KANK1: variants seen among roughly 807,000 people sequenced by gnomAD.
KANK1 encodes KN motif and ankyrin repeat domain-containing protein 1.
In KANK1, 109 loss-of-function variants were observed where a neutral mutation model predicts 106.2. That is an observed-to-expected ratio of 1.03 (90% CI 0.88 to 1.20). KANK1 has a LOEUF of 1.20. KANK1 is among the 50% of genes most tolerant of loss of function. KANK1 has a pLI of 0.00. For missense variants in KANK1, 2,399 were observed against 1,710.7 expected, an observed-to-expected ratio of 1.40 and a Z score of -7.10; for synonymous variants, 873 against 652.2, an observed-to-expected ratio of 1.34 and a Z score of -5.16.
Position 508,082 on chromosome 9 carries a change from A to C in KANK1, c.-84+3328A>C, listed in dbSNP as rs992912461. On this transcript the variant is annotated intron_variant, in intron 1 of 11. Coordinates refer to ENST00000382297, the MANE Select transcript of KANK1 (RefSeq NM_015158.5). ...GGTTATCCATCCGCCTCTGCCTCCC[A>C]AAGTGTTGGGATTACAGGTGTGAGA... Among the ~76,000 whole-genome samples the C allele has an allele frequency of 2.1e-5, 3 of 141,234 alleles. No individual in the cohort carries two copies. The Admixed American group carries it at 2.2e-4, about 10-fold the overall frequency. 92.7% of individuals were successfully genotyped at this position (141,234 alleles called of 152,430 possible).
At chr9:605,036 G>A (rs1183736579) in intron 1 of KANK1, among the ~76,000 whole-genome samples, 1 of 151,730 alleles carries the variant, frequency 6.6e-6, no homozygotes, top group African/African-American at 2.4e-5. Flanking sequence ...GAGAGTGGTG[G>A]CTCACGCCTG....
intron 1 of KANK1, among the ~76,000 whole-genome samples, chr9:634,822 T>G (rs537254168): frequency 1.6e-4 from 25 of 152,284 alleles, no homozygotes; most frequent in Non-Finnish European, 3.2e-4. Context: ...ACTTTCAGAT[T>G]TAGTGGCCCA....
At chr9:508,798 G>A (rs547774075) in intron 1 of KANK1, among the ~76,000 whole-genome samples, 16 of 146,346 alleles carry the variant, frequency 1.1e-4, no homozygotes, top group African/African-American at 3.3e-4. Flanking sequence ...GGTTTGAGGG[G>A]CATTTACATA....
chr9:581,549 G>A (rs1822164763), intron 1 of KANK1, among the ~76,000 whole-genome samples: 1 of 152,186 alleles, frequency 6.6e-6, no homozygotes, highest in African/African-American at 2.4e-5. Flanking sequence ...CTTGGTAATG[G>A]GTTAATTTGA....
At chr9:577,156 C>T (rs1820781759) in intron 1 of KANK1, among the ~76,000 whole-genome samples, 1 of 152,210 alleles carries the variant, frequency 6.6e-6, no homozygotes, top group Non-Finnish European at 1.5e-5. Flanking sequence ...AAAGCTTCCA[C>T]AGCATGGAAG....
At chr9:491,348 A>C (rs1186352687) in intron 3 of KANK1, among the ~76,000 whole-genome samples, 3 of 148,770 alleles carry the variant, frequency 2.0e-5, no homozygotes, top group African/African-American at 7.5e-5. Context: ...GCTCACTGCA[A>C]CCTCCGCCTC....
At chr9:585,661 G>C (rs1823274881) in intron 1 of KANK1, among the ~76,000 whole-genome samples, 2 of 152,050 alleles carry the variant, frequency 1.3e-5, no homozygotes, top group Non-Finnish European at 2.9e-5. Context: ...TGGAAGAGTA[G>C]ACAATAATGT....
At chr9:709,101 A>C (rs1251713694) in intron 2 of KANK1, among the ~76,000 whole-genome samples, 6 of 152,202 alleles carry the variant, frequency 3.9e-5, no homozygotes, top group Non-Finnish European at 8.8e-5. Flanking sequence ...AACTCATGAC[A>C]ATACAAAACA....
At chr9:739,975 G>C (rs1036858588) in intron 8 of KANK1, among the ~76,000 whole-genome samples, 8 of 152,076 alleles carry the variant, frequency 5.3e-5, no homozygotes, top group African/African-American at 1.9e-4. Flanking sequence ...TCCTTAGTAT[G>C]GAGTTGTTTG....
chr9:732,166 A>G (rs973970654), intron 5 of KANK1: 44 of 488,798 alleles, frequency 9.0e-5, no homozygotes, highest in Non-Finnish European at 1.4e-4. Flanking sequence ...CATGATACCA[A>G]TTGGTTATAT....
At chr9:516,862 G>A (rs1342439228) in intron 1 of KANK1, among the ~76,000 whole-genome samples, 1 of 151,620 alleles carries the variant, frequency 6.6e-6, no homozygotes, top group Non-Finnish European at 1.5e-5. Flanking sequence ...TGTCCTTCAG[G>A]TGATTAGGAA....
chr9:487,148 A>G (rs2058307314), intron 3 of KANK1, among the ~76,000 whole-genome samples: 1 of 152,214 alleles, frequency 6.6e-6, no homozygotes, highest in Admixed American at 6.5e-5. Flanking sequence ...CACGGAGAAC[A>G]GCTTAGAAGG....
At chr9:636,499 G>A (rs1837169337) in intron 1 of KANK1, among the ~76,000 whole-genome samples, 1 of 152,162 alleles carries the variant, frequency 6.6e-6, no homozygotes, top group African/African-American at 2.4e-5. Flanking sequence ...TGGAGGCTCA[G>A]TCAGTTCCCA....
intron 8 of KANK1, 77 bp from the exon 9 acceptor site, chr9:740,715 C>T (rs1835206813): frequency 1.4e-6 from 2 of 1,478,490 alleles, no homozygotes; most frequent in African/African-American, 2.8e-5. Flanking sequence ...TAAACACCAT[C>T]CCTTCAGTGG....
chr9:722,318 T>C (rs1256777298), intron 3 of KANK1, among the ~76,000 whole-genome samples: 1 of 152,074 alleles, frequency 6.6e-6, no homozygotes, highest in African/African-American at 2.4e-5. Flanking sequence ...GTTCATTCTC[T>C]CTCTCTCTCT....
chr9:500,269 CAAGAAT>C (rs1472016287), upstream of KANK1, among the ~76,000 whole-genome samples: 1 of 152,144 alleles, frequency 6.6e-6, no homozygotes, highest in African/African-American at 2.4e-5. Flanking sequence ...GCAAAATTAA[CAAGAAT>C]AATAAACAAG....
At chr9:599,917 T>C (rs930090352) in intron 1 of KANK1, among the ~76,000 whole-genome samples, 1 of 151,882 alleles carries the variant, frequency 6.6e-6, no homozygotes, top group Non-Finnish European at 1.5e-5. Flanking sequence ...GTGGTGTTGG[T>C]GTTTTATAGT....
intron 2 of KANK1, among the ~76,000 whole-genome samples, chr9:687,413 G>T (rs16922561): frequency 0.017 from 2,543 of 152,158 alleles, 66 homozygotes; most frequent in African/African-American, 0.057. Context: ...TCTTAACTCT[G>T]AACTTTTGTT....
intron 1 of KANK1, among the ~76,000 whole-genome samples, chr9:668,541 C>G (rs764009531): frequency 3.9e-5 from 6 of 152,090 alleles, no homozygotes; most frequent in Admixed American, 6.6e-5. Flanking sequence ...TGTTTTGTAA[C>G]TCTTCTCCTC....
Sources: gnomAD v4.1 joint callset for allele counts (sites outside exome capture counted in the v4.1 genomes callset) on GRCh38, gnomAD v4.1.1 for gene constraint, MANE v1.5 for transcripts, NCBI Gene and HGNC (gene_info 2026-07-23, HGNC 2026-07-21) for gene names.